The following MARCHF4 variants were observed in gnomAD, a reference collection of about 807,000 sequenced individuals.
MARCHF4 encodes E3 ubiquitin-protein ligase MARCHF4.
MARCHF4 carries 14 observed loss-of-function variants against 43.9 expected under a neutral mutation model. The ratio of observed to expected loss-of-function variants is 0.32; its 90% CI spans 0.21 to 0.50. The LOEUF (loss-of-function observed/expected upper bound fraction) is 0.50. Ranked by LOEUF, MARCHF4 falls within the 20% of genes least tolerant of loss-of-function variation. The pLI is 0.98. For missense variants in MARCHF4, 468 were observed against 536.7 expected (o/e 0.87, Z 1.27); for synonymous variants, 226 against 213.3 (o/e 1.06, Z -0.52).
intron 1 of MARCHF4, among the ~76,000 whole-genome samples, chr2:216,287,405 G>C (rs1449463662): frequency 6.6e-6 from 1 of 152,066 alleles, no homozygotes; most frequent in African/African-American, 2.4e-5. Context: ...ACAGATCAAA[G>C]GGACTCATTA....
At chr2:216,322,819 C>T (rs995167153) in intron 1 of MARCHF4, among the ~76,000 whole-genome samples, 1 of 151,934 alleles carries the variant, frequency 6.6e-6, no homozygotes, top group Non-Finnish European at 1.5e-5. Flanking sequence ...AGCGAGACTC[C>T]GTCTCAAAAA....
chr2:216,316,362 G>A (rs910115324), intron 1 of MARCHF4, among the ~76,000 whole-genome samples: 1 of 152,134 alleles, frequency 6.6e-6, no homozygotes, highest in African/African-American at 2.4e-5. Context: ...CTAAAACGGA[G>A]GCCCTATCTT....
chr2:216,345,953 A>G lies in MARCHF4; in HGVS notation c.516+23792T>C, dbSNP rs1311730691. Among the ~76,000 whole-genome samples, 7 of 152,278 alleles carry G rather than the reference A, an allele frequency of 4.6e-5. No individual in the cohort carries two copies. The East Asian group carries it at 1.4e-3, about 29-fold the overall frequency. ...CTCTGAGCAGCCTGGCAAAGAGCTG[A>G]TGTCTGCTTTTCCCTAGAGTGTGAA... On this transcript the variant is annotated intron_variant, in intron 1 of 3. Transcript: ENST00000273067.
chr2:216,369,950 A>G lies in MARCHF4; in HGVS notation c.311T>C (p.Val104Ala). 6.3e-7 allele frequency: 1 copy of G among 1,591,854 alleles called. No individual in the cohort carries two copies. Among genetic ancestry groups the G allele is most frequent in the Non-Finnish European group, 8.6e-7 (1 of 1,167,904 alleles). Residue 104 changes from valine (V) to alanine (A), a missense_variant, in exon 1 of 4, where the codon GTG (valine) becomes GCG (alanine). Physicochemically the swap from Val to Ala is moderately conservative, Grantham distance 64. Transcript: ENST00000273067. ...REVVGREPPP[V>A]PPPPPLPPSS... ...AGGTGGCAAGGGGGGTGGAGGTGGC[A>G]CAGGAGGGGGCTCCCTGCCCACCAC... is the stretch of plus-strand genomic sequence containing the variant.
At chr2:216,350,741 G>A (rs1009414493) in intron 1 of MARCHF4, among the ~76,000 whole-genome samples, 1 of 152,144 alleles carries the variant, frequency 6.6e-6, no homozygotes, top group African/African-American at 2.4e-5. Flanking sequence ...TTCTGCCCCT[G>A]ATGTTATTGG....
At chr2:216,262,562 G>A (rs1467804167) in intron 3 of MARCHF4, among the ~76,000 whole-genome samples, 1 of 152,128 alleles carries the variant, frequency 6.6e-6, no homozygotes, top group African/African-American at 2.4e-5. Flanking sequence ...CAGTGAATGG[G>A]GGGTGATGGT....
chr2:216,315,487 A>G (rs1691758905), intron 1 of MARCHF4, among the ~76,000 whole-genome samples: 1 of 152,202 alleles, frequency 6.6e-6, no homozygotes, highest in Non-Finnish European at 1.5e-5. Context: ...TCATTATACT[A>G]TATTCTATTA....
In MARCHF4 at chr2:216,300,344, ATATATG is replaced by A. The variant is rs1291013698; in HGVS notation, c.517-16621_517-16616del. Among the ~76,000 whole-genome samples the A allele has an allele frequency of 1.1e-3, 147 of 134,904 alleles. 1 individual carries two copies. Among genetic ancestry groups the A allele is most frequent in the Middle Eastern group, 3.7e-3 (1 of 268 alleles). 88.5% of individuals were successfully genotyped at this position (134,904 alleles called of 152,430 possible). A position where few individuals can be genotyped will look rare whatever the true frequency, so the allele number is the denominator to read the frequency against. ...TATATATATGTCCATCTCGATATATATATATGTATATATATATATATATATGACTTA... is the reference window on the plus strand; with the variant it reads ...TATATATATGTCCATCTCGATATATATATATATATATATATATATGACTTA... On this transcript the variant is annotated intron_variant, in intron 1 of 3. Transcript: ENST00000273067.
intron 2 of MARCHF4, among the ~76,000 whole-genome samples, chr2:216,281,761 G>A (rs939054012): frequency 1.3e-5 from 2 of 152,150 alleles, no homozygotes; most frequent in African/African-American, 4.8e-5. Context: ...GAATCAGAGG[G>A]AGCCCCCAGC....
At chr2:216,339,486 C>T (rs917403555) in intron 1 of MARCHF4, among the ~76,000 whole-genome samples, 2 of 152,218 alleles carry the variant, frequency 1.3e-5, no homozygotes, top group Non-Finnish European at 2.9e-5. Flanking sequence ...GCAGTTTCCA[C>T]ATTTTTTAGT....
intron 1 of MARCHF4, among the ~76,000 whole-genome samples, chr2:216,288,962 G>A (rs1691262597): frequency 6.6e-6 from 1 of 151,000 alleles, no homozygotes; most frequent in Non-Finnish European, 1.5e-5. Flanking sequence ...ACTGAAGACA[G>A]CTTTAGACCC....
chr2:216,331,638 T>C (rs866874632), intron 1 of MARCHF4, among the ~76,000 whole-genome samples: 9 of 152,174 alleles, frequency 5.9e-5, no homozygotes, highest in African/African-American at 2.2e-4. Context: ...AGATCAGGAC[T>C]AAGCGGATTT....
At chr2:216,335,897 A>G (rs1156894192) in intron 1 of MARCHF4, among the ~76,000 whole-genome samples, 4 of 151,754 alleles carry the variant, frequency 2.6e-5, no homozygotes, top group Non-Finnish European at 5.9e-5. Flanking sequence ...TTGAAACCCC[A>G]TCTCTACTAA....
chr2:216,266,332 C>T (rs1349788811), intron 3 of MARCHF4, among the ~76,000 whole-genome samples: 1 of 152,094 alleles, frequency 6.6e-6, no homozygotes, highest in Non-Finnish European at 1.5e-5. Context: ...GGTACTGTGC[C>T]TGGGACACAT....
intron 1 of MARCHF4, among the ~76,000 whole-genome samples, chr2:216,318,891 C>T (rs1477521757): frequency 6.6e-6 from 1 of 152,060 alleles, no homozygotes; most frequent in East Asian, 1.9e-4. Context: ...AAAAGGGACA[C>T]ACAAAAATGA....
intron 1 of MARCHF4, among the ~76,000 whole-genome samples, chr2:216,356,763 C>T (rs961524675): frequency 2.0e-5 from 3 of 152,192 alleles, no homozygotes; most frequent in Non-Finnish European, 2.9e-5. Flanking sequence ...TGGCTCACTT[C>T]TGTAATCCCA....
chr2:216,284,506 C>T (rs1364631803), intron 1 of MARCHF4, among the ~76,000 whole-genome samples: 1 of 152,188 alleles, frequency 6.6e-6, no homozygotes, highest in African/African-American at 2.4e-5. Context: ...CACTCTGCTG[C>T]CCAGTCTGGA....
intron 1 of MARCHF4, among the ~76,000 whole-genome samples, chr2:216,333,144 GA>G (rs76294764): frequency 0.054 from 8,190 of 152,262 alleles, 330 homozygotes; most frequent in South Asian, 0.2. Flanking sequence ...TATATAAAGG[GA>G]AAAATTGATA....
chr2:216,369,736 G>A lies in MARCHF4; in HGVS notation c.516+9C>T. On this transcript the variant is annotated intron_variant, in intron 1 of 3. Coordinates refer to ENST00000273067, the MANE Select transcript of MARCHF4 (RefSeq NM_020814.3). ...CACAGGAAGCAGGAGAAGAGAAAAG[G>A]GGACTCACCTGTTCTGGCCCCTGGA... 6.4e-7 allele frequency: 1 copy of A among 1,550,856 alleles called. No homozygotes were observed. The highest frequency in any genetic ancestry group is 1.2e-5 in the South Asian group (1 of 82,582).
Sources: gnomAD v4.1 joint callset for allele counts (sites outside exome capture counted in the v4.1 genomes callset) on GRCh38, gnomAD v4.1.1 for gene constraint, MANE v1.5 for transcripts, NCBI Gene and HGNC (gene_info 2026-07-23, HGNC 2026-07-21) for gene names.